SCHIP1: variants seen among roughly 807,000 people sequenced by gnomAD.
The protein encoded by SCHIP1 is schwannomin interacting protein 1.
A neutral mutation model predicts 29.7 loss-of-function variants in SCHIP1; 8 were observed. That is an observed-to-expected ratio of 0.27 (90% CI 0.16 to 0.49). The LOEUF (loss-of-function observed/expected upper bound fraction) is 0.49, where lower values mean the gene tolerates loss of function less well. SCHIP1 is among the 20% of genes least tolerant of loss of function. The pLI is 0.99. For synonymous variants in SCHIP1, 76 were observed against 94.9 expected, an observed-to-expected ratio of 0.80 and a Z score of 1.16; for missense variants, 193 against 294.6, an observed-to-expected ratio of 0.66 and a Z score of 2.52.
chr3:159,575,522 A>C, the SCHIP1 span, among the ~76,000 whole-genome samples: 1 of 152,042 alleles, frequency 6.6e-6, no homozygotes, highest in Non-Finnish European at 1.5e-5. Context: ...TGCAGCCTCA[A>C]TTTCCCAGGC....
At chr3:159,876,890 C>G (rs1715879365) in intron 2 of SCHIP1, among the ~76,000 whole-genome samples, 1 of 152,316 alleles carries the variant, frequency 6.6e-6, no homozygotes. Context: ...CATCGTCCCC[C>G]CATCTGCAAG....
At position 159,839,999 on chromosome 3, in the gene SCHIP1, C is replaced by A. The variant is rs1419678533; in HGVS notation, c.-186C>A. The A allele has an allele frequency of 5.6e-6, 8 of 1,432,632 alleles. No homozygotes were observed. In the African/African-American group the frequency reaches 1.0e-4, roughly 18 times the overall value. The allele number at this position is 1,432,632 out of a possible 1,614,324, so 88.7% of individuals were successfully genotyped here. A position where few individuals can be genotyped will look rare whatever the true frequency, so the allele number is the denominator to read the frequency against. Reference sequence around the variant, plus strand: ...GGAGAGCAGCTCAGCTCGCTAGCTGCGCGCTTCCCGGCACAGGCAGTGCCA... The same window carrying A: ...GGAGAGCAGCTCAGCTCGCTAGCTGAGCGCTTCCCGGCACAGGCAGTGCCA... On this transcript the variant is annotated 5_prime_UTR_variant, in exon 1 of 7. Coordinates refer to ENST00000445224, the Ensembl canonical transcript of SCHIP1.
At chr3:159,426,152 C>T in the SCHIP1 span, among the ~76,000 whole-genome samples, 1 of 152,014 alleles carries the variant, frequency 6.6e-6, no homozygotes, top group African/African-American at 2.4e-5. Flanking sequence ...CAAGAGCAAA[C>T]ACATTCAAAA....
At chr3:159,753,827 C>G in the SCHIP1 span, among the ~76,000 whole-genome samples, 1 of 152,180 alleles carries the variant, frequency 6.6e-6, no homozygotes, top group Non-Finnish European at 1.5e-5. Flanking sequence ...CCCGTTACTC[C>G]AATGTGTTAA....
chr3:159,511,363 TG>T, the SCHIP1 span, among the ~76,000 whole-genome samples: 1 of 152,222 alleles, frequency 6.6e-6, no homozygotes, highest in Non-Finnish European at 1.5e-5. Context: ...AGGTGCTTTC[TG>T]TCACCGCTTT....
At chr3:159,465,780 G>A in the SCHIP1 span, among the ~76,000 whole-genome samples, 1 of 151,990 alleles carries the variant, frequency 6.6e-6, no homozygotes, top group African/African-American at 2.4e-5. Context: ...ATCACTTTTG[G>A]CTTAATTAAG....
chr3:159,565,552 C>G, the SCHIP1 span, among the ~76,000 whole-genome samples: 1 of 152,178 alleles, frequency 6.6e-6, no homozygotes, highest in Non-Finnish European at 1.5e-5. Context: ...TCCTTCTCCA[C>G]AAGGAGAGAG....
At chr3:159,715,002 A>G in the SCHIP1 span, among the ~76,000 whole-genome samples, 4 of 152,180 alleles carry the variant, frequency 2.6e-5, no homozygotes, top group Non-Finnish European at 1.5e-5. Flanking sequence ...CCAGTAGGGG[A>G]TGACTGACAC....
chr3:159,724,291 C>T, the SCHIP1 span, among the ~76,000 whole-genome samples: 13 of 151,998 alleles, frequency 8.6e-5, no homozygotes, highest in East Asian at 2.1e-3. Flanking sequence ...TGATCAGGAC[C>T]TTTTTTACTG....
At chr3:159,394,435 G>C in the SCHIP1 span, among the ~76,000 whole-genome samples, 76 of 152,236 alleles carry the variant, frequency 5.0e-4, no homozygotes, top group Admixed American at 9.2e-4. Context: ...CATTCAGTAT[G>C]ATATTGGCTG....
At chr3:159,528,580 A>G in the SCHIP1 span, among the ~76,000 whole-genome samples, 1 of 152,098 alleles carries the variant, frequency 6.6e-6, no homozygotes, top group Admixed American at 6.5e-5. Context: ...CACCACACAC[A>G]TAGCCCAGAC....
chr3:159,294,305 C>G, the SCHIP1 span, among the ~76,000 whole-genome samples: 11 of 152,060 alleles, frequency 7.2e-5, no homozygotes, highest in Admixed American at 7.2e-4. Context: ...TGTGTGGTTC[C>G]ATCTCTGCCT....
chr3:159,280,653 T>C, the SCHIP1 span, among the ~76,000 whole-genome samples: 1 of 152,220 alleles, frequency 6.6e-6, no homozygotes, highest in African/African-American at 2.4e-5. Context: ...AGGGGGAAAA[T>C]AAAGAGTGGA....
At chr3:159,724,268 C>G in the SCHIP1 span, among the ~76,000 whole-genome samples, 1 of 152,016 alleles carries the variant, frequency 6.6e-6, no homozygotes, top group Non-Finnish European at 1.5e-5. Context: ...TTATATGTTA[C>G]AGATTTTAAT....
chr3:159,395,127 C>G, the SCHIP1 span, among the ~76,000 whole-genome samples: 2 of 152,194 alleles, frequency 1.3e-5, no homozygotes, highest in Non-Finnish European at 2.9e-5. Flanking sequence ...GTAGTATTCT[C>G]TGATGGTAGT....
the SCHIP1 span, among the ~76,000 whole-genome samples, chr3:159,662,486 T>C: frequency 1.3e-5 from 2 of 152,370 alleles, no homozygotes; most frequent in South Asian, 2.1e-4. Context: ...TATTGGGTTC[T>C]ACACCCAGCC....
the SCHIP1 span, among the ~76,000 whole-genome samples, chr3:159,805,005 C>T: frequency 6.6e-6 from 1 of 152,170 alleles, no homozygotes; most frequent in African/African-American, 2.4e-5. Flanking sequence ...TCCCAGTCAT[C>T]CTCAGCAGAT....
At chr3:159,765,241 T>C in the SCHIP1 span, 5 of 1,332,454 alleles carry the variant, frequency 3.8e-6, no homozygotes, top group Non-Finnish European at 4.0e-6. Flanking sequence ...CGCGGCCCCA[T>C]TCATTCTTCC....
the SCHIP1 span, among the ~76,000 whole-genome samples, chr3:159,562,102 G>A: frequency 2.0e-5 from 3 of 152,130 alleles, no homozygotes; most frequent in African/African-American, 4.8e-5. Context: ...TGCTCCTTAA[G>A]CAGGCTTTGT....
Sources: gnomAD v4.1 joint callset for allele counts (sites outside exome capture counted in the v4.1 genomes callset) on GRCh38, gnomAD v4.1.1 for gene constraint, MANE v1.5 for transcripts, NCBI Gene and HGNC (gene_info 2026-07-23, HGNC 2026-07-21) for gene names.